Variants in NR2C2 observed in about 807,000 individuals in gnomAD.
NR2C2 encodes nuclear receptor subfamily 2 group C member 2.
Under a neutral mutation model 62.9 loss-of-function variants are expected in NR2C2, and 6 were observed. The ratio of observed to expected loss-of-function variants is 0.10; its 90% confidence interval spans 0.05 to 0.19. NR2C2 has a LOEUF of 0.19. Ranked by LOEUF, NR2C2 falls within the 10% of genes least tolerant of loss-of-function variation. The pLI, the probability that NR2C2 is intolerant of heterozygous loss-of-function variation, is 1.00. For missense variants in NR2C2, 479 were observed against 762.7 expected, an observed-to-expected ratio of 0.63 and a Z score of 4.38; for synonymous variants, 272 against 273.8, an observed-to-expected ratio of 0.99 and a Z score of 0.07.
At chr3:14,986,231 A>C (rs2040511066) in intron 1 of NR2C2, among the ~76,000 whole-genome samples, 1 of 152,186 alleles carries the variant, frequency 6.6e-6, no homozygotes. Flanking sequence ...GGAGAAATAA[A>C]AGGAAAGCAG....
intron 1 of NR2C2, among the ~76,000 whole-genome samples, chr3:14,988,953 C>T (rs549598557): frequency 2.0e-5 from 3 of 152,294 alleles, no homozygotes; most frequent in African/African-American, 2.4e-5. Context: ...TTTCAGCCTC[C>T]TTCTCCACCC....
At chr3:14,958,461 G>T (rs934011014) in intron 1 of NR2C2, among the ~76,000 whole-genome samples, 1 of 152,082 alleles carries the variant, frequency 6.6e-6, no homozygotes, top group African/African-American at 2.4e-5. Flanking sequence ...AGCTGAATGG[G>T]TGAAGTACTA....
chr3:15,027,555 A>G (rs190219762), intron 7 of NR2C2, among the ~76,000 whole-genome samples: 15 of 152,278 alleles, frequency 9.9e-5, no homozygotes, highest in Admixed American at 9.2e-4. Context: ...TGGGCTGTTT[A>G]TATATCTTCT....
At chr3:15,039,065 CA>C (rs1271928295) in intron 12 of NR2C2, 56 bp from the exon 13 acceptor site, 1 of 1,290,266 alleles carries the variant, frequency 7.8e-7, no homozygotes, top group African/African-American at 1.5e-5. Context: ...AAGAAGTCTA[CA>C]AGTGAGACTT....
intron 1 of NR2C2, among the ~76,000 whole-genome samples, chr3:14,962,735 G>A (rs1339540133): frequency 1.4e-5 from 2 of 146,278 alleles, no homozygotes; most frequent in African/African-American, 2.6e-5. Context: ...ACTTTAAACC[G>A]AAAACTAGTA....
intron 11 of NR2C2, 118 bp from the exon 12 acceptor site, chr3:15,037,882 T>G (rs983268234): frequency 1.6e-5 from 18 of 1,090,978 alleles, no homozygotes; most frequent in South Asian, 3.2e-5. Context: ...ACCTTGAGAT[T>G]ACTGATTTTT....
chr3:15,040,636 C>T (rs1380720487), intron 13 of NR2C2, among the ~76,000 whole-genome samples: 2 of 152,252 alleles, frequency 1.3e-5, no homozygotes, highest in African/African-American at 4.8e-5. Flanking sequence ...TGTCTTATGG[C>T]TGGCTGGTCC....
rs151212153 is a variant in NR2C2, at chr3:14,966,873, C to G, written c.-40+18967C>G. Among the ~76,000 whole-genome samples the G allele has an allele frequency of 1.6e-4, 24 of 152,300 alleles. No homozygotes were observed. The East Asian group carries it at 4.4e-3, about 28-fold the overall frequency. ...GAGCCAGATTGCCTAGATTTAAATC[C>G]TGGCCCTGCCACTTGAAAGCTGTGT... is the stretch of plus-strand genomic sequence containing the variant. On this transcript the variant is annotated intron_variant, in intron 1 of 13. Transcript: ENST00000425241.
At chr3:15,040,782 T>A (rs1384098377) in intron 13 of NR2C2, among the ~76,000 whole-genome samples, 4 of 152,180 alleles carry the variant, frequency 2.6e-5, no homozygotes, top group Admixed American at 2.6e-4. Context: ...TCAGCCTCAA[T>A]ACATAGAGAA....
At chr3:15,019,642 A>G (rs530685356) in intron 4 of NR2C2, among the ~76,000 whole-genome samples, 1 of 152,300 alleles carries the variant, frequency 6.6e-6, no homozygotes, top group African/African-American at 2.4e-5. Context: ...ATCATGTTAC[A>G]TGAAATAAGC....
intron 12 of NR2C2, chr3:15,038,854 A>C (rs758927418): frequency 3.9e-5 from 14 of 360,350 alleles, no homozygotes; most frequent in Non-Finnish European, 7.0e-5. Flanking sequence ...CTAGGGTAGT[A>C]GGAAGCCAGA....
At chr3:15,039,100 G>A (rs1470321533) in intron 12 of NR2C2, 22 bp from the exon 13 acceptor site, 5 of 1,569,368 alleles carry the variant, frequency 3.2e-6, no homozygotes, top group African/African-American at 1.4e-5. Context: ...GGAACTGGGG[G>A]GGGGTACTTT....
chr3:15,004,071 G>A, intron 2 of NR2C2, 85 bp downstream of exon 2: 1 of 1,136,204 alleles, frequency 8.8e-7, no homozygotes, highest in South Asian at 1.5e-5. Context: ...TCACTAAAGA[G>A]TTGTGCCTTT....
intron 2 of NR2C2, among the ~76,000 whole-genome samples, chr3:15,013,040 T>C (rs2041399783): frequency 6.6e-6 from 1 of 152,202 alleles, no homozygotes; most frequent in Admixed American, 6.5e-5. Flanking sequence ...ATGTAGTCTC[T>C]ATCCTTAAAG....
At chr3:14,993,467 AAG>A (rs1287266929) in intron 1 of NR2C2, among the ~76,000 whole-genome samples, 1 of 152,140 alleles carries the variant, frequency 6.6e-6, no homozygotes, top group Non-Finnish European at 1.5e-5. Context: ...AAAAAAAAAA[AAG>A]AAATGTTTCT....
intron 1 of NR2C2, among the ~76,000 whole-genome samples, chr3:14,982,766 T>G (rs935219159): frequency 3.3e-5 from 5 of 152,166 alleles, no homozygotes; most frequent in Admixed American, 1.3e-4. Context: ...GTTTTTGTCT[T>G]GACTTATTCT....
At chr3:15,021,790 C>T (rs1433938325) in intron 5 of NR2C2, among the ~76,000 whole-genome samples, 3 of 152,208 alleles carry the variant, frequency 2.0e-5, no homozygotes, top group Non-Finnish European at 2.9e-5. Context: ...ACTCTGAAAA[C>T]CAATATATTT....
At chr3:14,966,229 A>G (rs2125268457) in intron 1 of NR2C2, among the ~76,000 whole-genome samples, 1 of 152,300 alleles carries the variant, frequency 6.6e-6, no homozygotes, top group Non-Finnish European at 1.5e-5. Context: ...TCCTTCCCAT[A>G]GGCCAGGGAG....
intron 4 of NR2C2, among the ~76,000 whole-genome samples, chr3:15,017,230 T>C (rs542913200): frequency 1.1e-4 from 16 of 152,296 alleles, no homozygotes; most frequent in African/African-American, 3.8e-4. Flanking sequence ...TGACACCATT[T>C]ATCTGCCAAT....
Sources: gnomAD v4.1 joint callset for allele counts (sites outside exome capture counted in the v4.1 genomes callset) on GRCh38, gnomAD v4.1.1 for gene constraint, MANE v1.5 for transcripts, NCBI Gene and HGNC (gene_info 2026-07-23, HGNC 2026-07-21) for gene names.